Variants in EIF3C observed in about 807,000 individuals in gnomAD.
EIF3C encodes eukaryotic translation initiation factor 3 subunit C, also known as cell migration-inducing protein 17.
A neutral mutation model predicts 11.1 loss-of-function variants in EIF3C; 2 were observed. The ratio of observed to expected loss-of-function variants is 0.18; its 90% CI spans 0.07 to 0.57. EIF3C has a LOEUF of 0.57. Ranked by LOEUF, EIF3C falls within the 20% of genes least tolerant of loss-of-function variation. The pLI is 0.92. For missense variants in EIF3C, 16 were observed against 114.6 expected, an observed-to-expected ratio of 0.14 and a Z score of 3.93; for synonymous variants, 2 against 41.5, an observed-to-expected ratio of 0.05 and a Z score of 3.66.
At chr16:28,728,462 TATCTTTTAG>T (rs2048403932) in intron 15 of EIF3C, among the ~76,000 whole-genome samples, 1 of 65,936 alleles carries the variant, frequency 1.5e-5, no homozygotes, top group Non-Finnish European at 3.7e-5. Context: ...GGTGTGTGTG[TATCTTTTAG>T]GGGTTGTGTG....
chr16:28,699,345 G>T (rs1428427137), intron 1 of EIF3C, among the ~76,000 whole-genome samples: 1 of 70,796 alleles, frequency 1.4e-5, no homozygotes, highest in African/African-American at 6.8e-5. Flanking sequence ...GCCTGCAATC[G>T]CAGGCACTCG....
At chr16:28,699,250 C>T (rs1596704531) in intron 1 of EIF3C, among the ~76,000 whole-genome samples, 2 of 48,580 alleles carry the variant, frequency 4.1e-5, no homozygotes, top group Admixed American at 3.8e-4. Flanking sequence ...GTTGGCGGAT[C>T]ACTCGCGGTT....
chr16:28,728,985 C>T, intron 15 of EIF3C, among the ~76,000 whole-genome samples: 1 of 15,416 alleles, frequency 6.5e-5, no homozygotes, highest in Non-Finnish European at 1.4e-4. Context: ...CTAGTCAGTT[C>T]TTGCCCATTT....
upstream of EIF3C, among the ~76,000 whole-genome samples, chr16:28,710,055 C>G (rs1356614544): frequency 7.5e-6 from 1 of 133,848 alleles, no homozygotes; most frequent in Non-Finnish European, 1.6e-5. Context: ...GTGGCACGAT[C>G]TTGGCTCACT....
At chr16:28,697,893 G>C in intron 1 of EIF3C, among the ~76,000 whole-genome samples, 1 of 92,858 alleles carries the variant, frequency 1.1e-5, no homozygotes. Flanking sequence ...CTCCCTCCCG[G>C]ACGGGGCGGC....
At chr16:28,730,075 C>CT (rs1440661906) in intron 15 of EIF3C, among the ~76,000 whole-genome samples, 1 of 147,622 alleles carries the variant, frequency 6.8e-6, no homozygotes, top group African/African-American at 2.5e-5. Context: ...GTCACCCAAG[C>CT]TGGAGTGCAG....
At chr16:28,691,008 CA>C (rs1204282501) in intron 1 of EIF3C, among the ~76,000 whole-genome samples, 1 of 2,906 alleles carries the variant, frequency 3.4e-4, no homozygotes. Flanking sequence ...GACTCCATCT[CA>C]AAAAAAAAAA....
chr16:28,698,024 C>G (rs1481255442), intron 1 of EIF3C, among the ~76,000 whole-genome samples: 1 of 52,412 alleles, frequency 1.9e-5, no homozygotes, highest in Non-Finnish European at 3.1e-5. Flanking sequence ...CCCTCCCGGA[C>G]GGGGCGGCTG....
chr16:28,730,381 GTCA>G (rs1176480830), intron 15 of EIF3C, among the ~76,000 whole-genome samples: 1 of 138,260 alleles, frequency 7.2e-6, no homozygotes, highest in Non-Finnish European at 1.6e-5. Flanking sequence ...ATCCAGTTTG[GTCA>G]TGTATATTGT....
At chr16:28,700,996 G>T (rs1364972793) in intron 1 of EIF3C, 1 of 162,006 alleles carries the variant, frequency 6.2e-6, no homozygotes, top group African/African-American at 5.3e-5. Context: ...CGCCTCCCGG[G>T]TTCAAGCGAT....
chr16:28,723,588 TG>T (rs2048365848), intron 10 of EIF3C, 37 bp downstream of exon 10: 1 of 1,380,498 alleles, frequency 7.2e-7, no homozygotes. Context: ...GATTGCAGGG[TG>T]GCAGAGGGTG....
At chr16:28,691,123 C>T (rs1384328130) in intron 1 of EIF3C, among the ~76,000 whole-genome samples, 1 of 16,780 alleles carries the variant, frequency 6.0e-5, no homozygotes, top group Non-Finnish European at 8.7e-5. Context: ...TGCAGTGAGC[C>T]GAGATAGTGC....
At chr16:28,693,061 CA>C (rs1434030384) in intron 1 of EIF3C, among the ~76,000 whole-genome samples, 1 of 61,882 alleles carries the variant, frequency 1.6e-5, no homozygotes, top group East Asian at 4.7e-4. Flanking sequence ...TTTCCAATCT[CA>C]AACTGCAGTT....
chr16:28,730,303 C>T (rs1187906537), intron 15 of EIF3C, among the ~76,000 whole-genome samples: 1,593 of 132,926 alleles, frequency 0.012, no homozygotes, highest in African/African-American at 0.045. Context: ...GCTGGGATTA[C>T]AGGCATGAGC....
Position 28,700,685 on chromosome 16 carries a change from G to C in EIF3C, c.-30-10972G>C, listed in dbSNP as rs1391384904. ...GCTCTCCATGCACTAGCAGTCAGCCGTCTGAATCTCAGTGAAGAACTGCCA... is the reference window on the plus strand; with the variant it reads ...GCTCTCCATGCACTAGCAGTCAGCCCTCTGAATCTCAGTGAAGAACTGCCA... On this transcript the variant is annotated intron_variant, in intron 1 of 20. Coordinates refer to the EIF3C transcript ENST00000566501. 7 of 177,414 alleles carry C rather than the reference G, an allele frequency of 3.9e-5. 2 individuals carry two copies. Among genetic ancestry groups the C allele is most frequent in the African/African-American group, 8.3e-5 (2 of 24,206 alleles). 11.0% of individuals were successfully genotyped at this position (177,414 alleles called of 1,614,324 possible). A position where few individuals can be genotyped will look rare whatever the true frequency, so the allele number is the denominator to read the frequency against.
intron 1 of EIF3C, chr16:28,700,539 A>G (rs2048275639): frequency 3.2e-6 from 1 of 308,456 alleles, no homozygotes; most frequent in South Asian, 4.4e-5. Flanking sequence ...GTTCCAGGCC[A>G]TCAGGGCCAA....
intron 2 of EIF3C, among the ~76,000 whole-genome samples, chr16:28,712,854 C>T (rs1284186585): frequency 6.7e-6 from 1 of 149,144 alleles, no homozygotes; most frequent in Non-Finnish European, 1.5e-5. Context: ...AAAAATTAGC[C>T]GGTTGTGGTG....
intron 8 of EIF3C, 36 bp from the exon 9 acceptor site, chr16:28,723,128 G>A: frequency 6.2e-7 from 1 of 1,608,518 alleles, no homozygotes; most frequent in Non-Finnish European, 8.5e-7. Flanking sequence ...GGTGGGGAGG[G>A]GCTGATCTGT....
rs368602450 is a variant in EIF3C at position 28,699,157 on chromosome 16, C to T, written c.-31+10329C>T. ...TGTAGGTTGTAGTGAGCCGAGATCA[C>T]GCCACTGCACTCCAGCCTGGGCACC... On this transcript the variant is annotated intron_variant, in intron 1 of 20. Coordinates refer to the EIF3C transcript ENST00000566501. 4.4e-4 allele frequency among the ~76,000 whole-genome samples: 11 copies of T among 25,264 alleles called. No individual in the cohort carries two copies. The South Asian group carries it at 0.013, about 29-fold the overall frequency. 16.6% of individuals were successfully genotyped at this position (25,264 alleles called of 152,430 possible).
Sources: gnomAD v4.1 joint callset for allele counts (sites outside exome capture counted in the v4.1 genomes callset) on GRCh38, gnomAD v4.1.1 for gene constraint, MANE v1.5 for transcripts, NCBI Gene and HGNC (gene_info 2026-07-23, HGNC 2026-07-21) for gene names.